MPP7: variants seen among roughly 807,000 people sequenced by gnomAD.
MPP7 encodes MAGUK p55 subfamily member 7.
A neutral mutation model predicts 76.5 loss-of-function variants in MPP7; 60 were observed. That is an observed-to-expected ratio of 0.78 (90% CI 0.64 to 0.97). The LOEUF (loss-of-function observed/expected upper bound fraction) is 0.97. MPP7 is among the 50% of genes least tolerant of loss of function. MPP7 has a pLI of 0.00. For synonymous variants in MPP7, 237 were observed against 244.5 expected, an observed-to-expected ratio of 0.97 and a Z score of 0.29; for missense variants, 641 against 694.0, an observed-to-expected ratio of 0.92 and a Z score of 0.86.
intron 5 of MPP7, among the ~76,000 whole-genome samples, chr10:28,146,808 G>GCCCC: frequency 6.6e-6 from 1 of 151,982 alleles, no homozygotes; most frequent in East Asian, 1.9e-4. Context: ...ACACATAATT[G>GCCCC]CCCCAGCGTC....
chr10:28,235,713 T>G (rs1412199329), intron 2 of MPP7, among the ~76,000 whole-genome samples: 3 of 152,180 alleles, frequency 2.0e-5, no homozygotes, highest in African/African-American at 7.2e-5. Flanking sequence ...AATCTTGGGA[T>G]ATGAAAGGCC....
At chr10:28,250,269 G>A (rs755547627) in intron 1 of MPP7, among the ~76,000 whole-genome samples, 9 of 152,156 alleles carry the variant, frequency 5.9e-5, no homozygotes, top group African/African-American at 1.2e-4. Context: ...GCAGAGAGGC[G>A]GAGGAGAGGG....
chr10:28,106,769 T>C (rs1834338426), intron 11 of MPP7, among the ~76,000 whole-genome samples: 1 of 152,194 alleles, frequency 6.6e-6, no homozygotes, highest in African/African-American at 2.4e-5. Flanking sequence ...CCTTGACACC[T>C]TGCAATTTGG....
At chr10:28,154,951 G>T (rs1391533427) in intron 3 of MPP7, among the ~76,000 whole-genome samples, 1 of 151,520 alleles carries the variant, frequency 6.6e-6, no homozygotes, top group African/African-American at 2.4e-5. Flanking sequence ...TTAAATTTTT[G>T]ATCAGATAGC....
intron 6 of MPP7, 31 bp downstream of exon 6, chr10:28,131,529 T>G: frequency 6.5e-7 from 1 of 1,544,176 alleles, no homozygotes. Context: ...CCTATCATGG[T>G]ATCTACTCAT....
At chr10:28,268,536 A>G (rs1338388664) in intron 1 of MPP7, among the ~76,000 whole-genome samples, 2 of 152,190 alleles carry the variant, frequency 1.3e-5, no homozygotes, top group Non-Finnish European at 1.5e-5. Context: ...GTTCGAGACC[A>G]GCCTGGTCAA....
At chr10:28,265,190 T>A (rs937370402) in intron 1 of MPP7, among the ~76,000 whole-genome samples, 1 of 152,166 alleles carries the variant, frequency 6.6e-6, no homozygotes, top group Admixed American at 6.5e-5. Context: ...GTCAACAGGT[T>A]AAAGATGCAA....
At chr10:28,158,630 A>G (rs553007099) in intron 3 of MPP7, among the ~76,000 whole-genome samples, 114 of 152,264 alleles carry the variant, frequency 7.5e-4, no homozygotes, top group African/African-American at 2.6e-3. Context: ...GAACAGAGAG[A>G]GGGAACAGTA....
chr10:28,070,705 A>G (rs1398740385), intron 12 of MPP7, among the ~76,000 whole-genome samples: 3 of 152,196 alleles, frequency 2.0e-5, no homozygotes, highest in Non-Finnish European at 4.4e-5. Flanking sequence ...ATGTATACAC[A>G]CTGGACATAT....
chr10:28,109,872 A>AAAAAAAC (rs1834449046), intron 11 of MPP7, among the ~76,000 whole-genome samples: 10 of 147,854 alleles, frequency 6.8e-5, no homozygotes, highest in Admixed American at 5.6e-4. Flanking sequence ...AAAAAAAAAA[A>AAAAAAAC]ACACTTAAAA....
intron 1 of MPP7, among the ~76,000 whole-genome samples, chr10:28,278,019 C>T (rs1263640407): frequency 1.3e-5 from 2 of 151,836 alleles, no homozygotes; most frequent in Admixed American, 1.3e-4. Context: ...GCAATGAGAC[C>T]AAAGCTTGGT....
intron 13 of MPP7, among the ~76,000 whole-genome samples, 152 bp downstream of exon 13, chr10:28,069,619 CA>C (rs199509190): frequency 0.12 from 15,854 of 131,306 alleles, 1,660 homozygotes; most frequent in East Asian, 0.67. Flanking sequence ...ACAAAACAAA[CA>C]AAAAAAAAAC....
At chr10:28,184,815 AAT>A (rs1189275406) in intron 3 of MPP7, among the ~76,000 whole-genome samples, 1 of 135,052 alleles carries the variant, frequency 7.4e-6, no homozygotes, top group African/African-American at 2.5e-5. Context: ...ATTACATATT[AAT>A]ATATTAAGGT....
chr10:28,282,352 GTAC>G (rs1840698750), intron 1 of MPP7, among the ~76,000 whole-genome samples: 3 of 152,042 alleles, frequency 2.0e-5, no homozygotes, highest in Non-Finnish European at 2.9e-5. Flanking sequence ...ATCAATTTGT[GTAC>G]CACTTAAAAA....
At chr10:28,269,926 G>A (rs1348290667) in intron 1 of MPP7, among the ~76,000 whole-genome samples, 1 of 152,154 alleles carries the variant, frequency 6.6e-6, no homozygotes, top group Non-Finnish European at 1.5e-5. Context: ...AGGATATCAG[G>A]ACAGAAAGAG....
intron 3 of MPP7, among the ~76,000 whole-genome samples, chr10:28,166,739 T>TA (rs1374400482): frequency 3.3e-5 from 5 of 152,164 alleles, no homozygotes; most frequent in African/African-American, 1.2e-4. Flanking sequence ...AATCTGGTCT[T>TA]ACAACTCTTG....
intron 11 of MPP7, among the ~76,000 whole-genome samples, chr10:28,111,818 G>T (rs1174379370): frequency 6.6e-6 from 1 of 152,102 alleles, no homozygotes; most frequent in African/African-American, 2.4e-5. Context: ...CTCGCTTTCA[G>T]AAGGGTGGAA....
chr10:28,239,994 A>T (rs548404486), intron 1 of MPP7, among the ~76,000 whole-genome samples: 4 of 152,324 alleles, frequency 2.6e-5, no homozygotes, highest in African/African-American at 9.6e-5. Flanking sequence ...CAATGAAAAC[A>T]CAAAAGAAAG....
intron 11 of MPP7, among the ~76,000 whole-genome samples, chr10:28,108,556 C>T (rs1834398390): frequency 6.6e-6 from 1 of 151,948 alleles, no homozygotes; most frequent in Non-Finnish European, 1.5e-5. Flanking sequence ...ACTTGCGAGG[C>T]TGAGGTGGGA....
Sources: gnomAD v4.1 joint callset for allele counts (sites outside exome capture counted in the v4.1 genomes callset) on GRCh38, gnomAD v4.1.1 for gene constraint, MANE v1.5 for transcripts, NCBI Gene and HGNC (gene_info 2026-07-23, HGNC 2026-07-21) for gene names.